CAPN5: variants seen among roughly 807,000 people sequenced by gnomAD.
CAPN5 encodes calpain-5.
CAPN5 carries 54 observed loss-of-function variants against 73.0 expected under a neutral mutation model. The ratio of observed to expected loss-of-function variants is 0.74; its 90% CI spans 0.59 to 0.93. CAPN5 has a LOEUF of 0.93. Among genes scored for constraint, CAPN5 ranks in the 40% least tolerant of loss-of-function variants. The probability of loss-of-function intolerance (pLI) is 0.00; values close to 1 mark genes in which losing one functional copy is unlikely to be tolerated. For synonymous variants in CAPN5, 335 were observed against 356.9 expected (o/e 0.94, Z 0.69); for missense variants, 785 against 882.9 (o/e 0.89, Z 1.41).
intron 2 of CAPN5, among the ~76,000 whole-genome samples, chr11:77,090,685 T>C (rs1290722149): frequency 6.6e-6 from 1 of 152,210 alleles, no homozygotes; most frequent in East Asian, 1.9e-4. Context: ...ACCCTGGTGA[T>C]GCCAGGTGGT....
chr11:77,116,410 A>G, intron 7 of CAPN5, 107 bp downstream of exon 7: 2 of 804,330 alleles, frequency 2.5e-6, no homozygotes, highest in South Asian at 1.5e-5. Context: ...TGCATGCCCC[A>G]TCATCAATTT....
intron 1 of CAPN5, among the ~76,000 whole-genome samples, chr11:77,078,023 G>A (rs183089370): frequency 3.0e-4 from 46 of 152,164 alleles, no homozygotes; most frequent in African/African-American, 7.7e-4. Flanking sequence ...TTGTCTCTTC[G>A]TTCTGTTGAT....
chr11:77,094,312 C>T (rs1053298489), intron 3 of CAPN5, among the ~76,000 whole-genome samples: 22 of 152,198 alleles, frequency 1.4e-4, no homozygotes, highest in African/African-American at 5.1e-4. Context: ...GGACCAGGGC[C>T]AAAGGGTTTG....
At chr11:77,067,126 CTG>C (rs35903526) in intron 1 of CAPN5, 32 bp downstream of exon 1, 91,332 of 149,660 alleles carry the variant, frequency 0.61, 28,945 homozygotes, top group African/African-American at 0.81. Flanking sequence ...GCGTGTGCTT[CTG>C]TGTGTGTGTG....
chr11:77,125,515 T>A lies in CAPN5; in HGVS notation c.*1645T>A, dbSNP rs1043421. The A allele has an allele frequency of 0.25, 38,114 of 151,878 alleles. 4,929 individuals are homozygous for A. Among genetic ancestry groups the A allele is most frequent in the South Asian group, 0.34 (1,614 of 4,800 alleles). The allele number at this position is 151,878 out of a possible 1,614,324, so 9.4% of individuals were successfully genotyped here. On this transcript the variant is annotated 3_prime_UTR_variant, in exon 13 of 13. Coordinates refer to ENST00000648180, the MANE Select transcript of CAPN5 (RefSeq NM_004055.5). ...GCCTCGATTTCCCCCTTCTACAAAG[T>A]GGGGCCAATGATTCTTGTGTGTCAG...
chr11:77,098,832 C>A (rs1950247822), intron 3 of CAPN5, among the ~76,000 whole-genome samples: 3 of 135,840 alleles, frequency 2.2e-5, no homozygotes, highest in African/African-American at 8.8e-5. Flanking sequence ...GGGGGCTGAC[C>A]CCCCCCACCT....
chr11:77,120,953 T>G, intron 10 of CAPN5, 44 bp downstream of exon 10: 1 of 1,564,948 alleles, frequency 6.4e-7, no homozygotes, highest in Non-Finnish European at 8.7e-7. Flanking sequence ...GGGAGTGACA[T>G]TCACACTGGG....
intron 2 of CAPN5, 148 bp from the exon 3 acceptor site, chr11:77,093,534 A>G (rs1950173737): frequency 1.5e-6 from 2 of 1,316,754 alleles, no homozygotes; most frequent in Non-Finnish European, 2.0e-6. Context: ...TGGGGCCCCA[A>G]GTCTGTGGTG....
Position 77,103,128 on chromosome 11 carries a change from C to A in CAPN5, c.297+9315C>A, listed in dbSNP as rs527302382. Reference sequence around the variant, plus strand: ...GCCTGACCTCACCAACCTCATGACACGCCAGCTGCTGGACCCCACTGCCAT... The same window carrying A: ...GCCTGACCTCACCAACCTCATGACAAGCCAGCTGCTGGACCCCACTGCCAT... On this transcript the variant is annotated intron_variant, in intron 3 of 12. Coordinates refer to ENST00000648180, the MANE Select transcript of CAPN5 (RefSeq NM_004055.5). 124 of 1,613,862 alleles carry A rather than the reference C, an allele frequency of 7.7e-5. 1 individual carries two copies. The South Asian group carries it at 1.3e-3, about 17-fold the overall frequency.
intron 2 of CAPN5, 151 bp from the exon 3 acceptor site, chr11:77,093,531 C>T: frequency 2.3e-6 from 3 of 1,305,526 alleles, no homozygotes; most frequent in East Asian, 2.6e-5. Flanking sequence ...CTATGGGGCC[C>T]CAAGTCTGTG....
At chr11:77,084,499 G>C (rs1950060890) in intron 1 of CAPN5, among the ~76,000 whole-genome samples, 1 of 152,198 alleles carries the variant, frequency 6.6e-6, no homozygotes, top group Non-Finnish European at 1.5e-5. Flanking sequence ...ACACCAGCCA[G>C]GGAGCTGGCA....
intron 2 of CAPN5, among the ~76,000 whole-genome samples, chr11:77,089,363 C>G (rs1207867461): frequency 6.6e-6 from 1 of 152,272 alleles, no homozygotes; most frequent in Non-Finnish European, 1.5e-5. Context: ...TCTCTGGCTC[C>G]TGCTGTCACA....
At position 77,107,691 on chromosome 11, in the gene CAPN5, G is replaced by A. The variant is rs78972769; in HGVS notation, c.298-4898G>A. On this transcript the variant is annotated intron_variant, in intron 3 of 12. Transcript: ENST00000648180. ...TGGGCCCATTCTGCCGTGGGTGGCC[G>A]TTGGTGGATCACATCCCAGGGGGTT... Among the ~76,000 whole-genome samples the A allele has an allele frequency of 2.2e-3, 328 of 152,320 alleles. 3 individuals carry two copies. The South Asian group carries it at 0.022, about 10-fold the overall frequency.
rs1555041558 is a variant in CAPN5 at position 77,115,481 on chromosome 11, G to A, written c.786G>A (p.Val262=). 6.8e-6 allele frequency: 11 copies of A among 1,613,212 alleles called. No homozygotes were observed. The highest frequency in any genetic ancestry group is 2.7e-5 in the African/African-American group (2 of 74,946). Reference sequence around the variant, plus strand: ...ACGCCGTCACTGATGTGCGCAAGGTGCGCCTGGGCCACGGCCTACTGGCCT... The same window carrying A: ...ACGCCGTCACTGATGTGCGCAAGGTACGCCTGGGCCACGGCCTACTGGCCT... ...HAYAVTDVRK[V]RLGHGLLAFF... The change falls in exon 6 of 13, where the codon GTG becomes GTA. Residue 262 remains valine (V), a synonymous_variant. Coordinates refer to ENST00000648180, the MANE Select transcript of CAPN5 (RefSeq NM_004055.5).
chr11:77,075,926 G>A (rs189524287), intron 1 of CAPN5, among the ~76,000 whole-genome samples: 2 of 151,990 alleles, frequency 1.3e-5, no homozygotes, highest in African/African-American at 2.4e-5. Flanking sequence ...TTAAAAAAAT[G>A]GATTTTTTAA....
At chr11:77,102,889 T>C in intron 3 of CAPN5, 3 of 1,612,032 alleles carry the variant, frequency 1.9e-6, no homozygotes, top group African/African-American at 1.3e-5. Context: ...CCGCTGGTCC[T>C]GGACCAGGGC....
At chr11:77,078,980 T>A (rs2135414874) in intron 1 of CAPN5, among the ~76,000 whole-genome samples, 1 of 152,266 alleles carries the variant, frequency 6.6e-6, no homozygotes, top group South Asian at 2.1e-4. Flanking sequence ...TCTTGTCAAA[T>A]GTGTTTTTTT....
At chr11:77,091,370 G>A (rs1340772714) in intron 2 of CAPN5, among the ~76,000 whole-genome samples, 1 of 152,204 alleles carries the variant, frequency 6.6e-6, no homozygotes, top group African/African-American at 2.4e-5. Flanking sequence ...GAAGCTCTTG[G>A]GATGGAACTA....
intron 3 of CAPN5, among the ~76,000 whole-genome samples, chr11:77,098,011 C>G (rs1344308663): frequency 1.2e-5 from 1 of 84,004 alleles, no homozygotes. Flanking sequence ...GGGTGGTGGC[C>G]GGGCAGAGGG....
Sources: gnomAD v4.1 joint callset for allele counts (sites outside exome capture counted in the v4.1 genomes callset) on GRCh38, gnomAD v4.1.1 for gene constraint, MANE v1.5 for transcripts, NCBI Gene and HGNC (gene_info 2026-07-23, HGNC 2026-07-21) for gene names.